EDRF1: variants seen among roughly 807,000 people sequenced by gnomAD.
EDRF1 encodes erythroid differentiation-related factor 1.
A neutral mutation model predicts 148.7 loss-of-function variants in EDRF1; 69 were observed. The ratio of observed to expected loss-of-function variants is 0.46; its 90% confidence interval spans 0.38 to 0.57. EDRF1 has a LOEUF of 0.57. Ranked by LOEUF, EDRF1 falls within the 20% of genes least tolerant of loss-of-function variation. The pLI, the probability that EDRF1 is intolerant of heterozygous loss-of-function variation, is 0.00. For synonymous variants in EDRF1, 515 were observed against 532.8 expected (o/e 0.97, Z 0.46); for missense variants, 1,118 against 1,478.7 (o/e 0.76, Z 4.00).
chr10:125,740,853 CG>C, intron 16 of EDRF1, 147 bp from the exon 17 acceptor site: 2 of 1,059,160 alleles, frequency 1.9e-6, no homozygotes, highest in Non-Finnish European at 2.9e-6. Context: ...TACATGAAGC[CG>C]TAATATGTAT....
intron 13 of EDRF1, among the ~76,000 whole-genome samples, chr10:125,737,087 C>T (rs1457157391): frequency 1.3e-5 from 2 of 152,114 alleles, no homozygotes; most frequent in Non-Finnish European, 2.9e-5. Flanking sequence ...TCACTTTCAG[C>T]TTGAACTTCC....
chr10:125,735,550 T>C, intron 12 of EDRF1, 94 bp from the exon 13 acceptor site: 1 of 1,250,752 alleles, frequency 8.0e-7, no homozygotes, highest in Non-Finnish European at 1.1e-6. Context: ...ACAGCCTGTG[T>C]GCAGACCTCC....
At chr10:125,761,506 T>C (rs967052662) in intron 24 of EDRF1, among the ~76,000 whole-genome samples, 4 of 152,212 alleles carry the variant, frequency 2.6e-5, no homozygotes, top group African/African-American at 9.6e-5. Flanking sequence ...ACAGATCCTT[T>C]GGATTCATGG....
At chr10:125,738,497 T>A in intron 15 of EDRF1, 52 bp downstream of exon 15, 6 of 1,607,396 alleles carry the variant, frequency 3.7e-6, no homozygotes, top group Non-Finnish European at 5.1e-6. Flanking sequence ...ATACACTGGT[T>A]CTTTATCAAC....
chr10:125,737,777 TAAAGC>T, intron 13 of EDRF1, 136 bp from the exon 14 acceptor site: 1 of 795,902 alleles, frequency 1.3e-6, no homozygotes, highest in Non-Finnish European at 2.1e-6. Context: ...TGTAAGTACT[TAAAGC>T]AACATATATG....
intron 17 of EDRF1, 140 bp downstream of exon 17, chr10:125,741,341 G>C (rs932220111): frequency 1.1e-6 from 1 of 937,686 alleles, no homozygotes; most frequent in Non-Finnish European, 1.7e-6. Context: ...TTTTGAGACG[G>C]AGTTTCGCTC....
intron 24 of EDRF1, chr10:125,757,110 G>A (rs1008375734): frequency 5.3e-6 from 2 of 374,414 alleles, no homozygotes; most frequent in Admixed American, 3.7e-5. Flanking sequence ...ACTGCACCTG[G>A]CCCAAGGGTC....
Position 125,749,491 on chromosome 10 carries a change from T to A in EDRF1, c.3203T>A (p.Leu1068Gln). Residue 1068 changes from leucine (L) to glutamine (Q), a missense_variant, in exon 22 of 25, where the codon CTG becomes CAG. Transcript: ENST00000356792. ...AGCAAGGCCGCAAAGCTGTTTCAGC[T>A]GCTGAAAGATGCTCCCTGCGAACTG... Reference protein sequence around the residue: ...HYSKAAKLFQLLKDAPCELLR... With the variant: ...HYSKAAKLFQQLKDAPCELLR... 6.2e-7 allele frequency: 1 copy of A among 1,614,192 alleles called. No homozygotes were observed. The highest frequency in any genetic ancestry group is 8.5e-7 in the Non-Finnish European group (1 of 1,180,022).
intron 9 of EDRF1, chr10:125,731,901 A>G: frequency 2.2e-6 from 1 of 453,422 alleles, no homozygotes; most frequent in Non-Finnish European, 4.4e-6. Flanking sequence ...TGATGGAAAG[A>G]GAGACTGAGG....
rs763081850 is a variant in EDRF1, at chr10:125,733,776, A to G, written c.1385+33A>G. On this transcript the variant is annotated intron_variant, in intron 11 of 24. Transcript: ENST00000356792. Reference sequence around the variant, plus strand: ...CTTTAAGAATTTAAGATGAAGAAGTAGCCTATTATATAAAGTTTTAAAGCA... The same window carrying G: ...CTTTAAGAATTTAAGATGAAGAAGTGGCCTATTATATAAAGTTTTAAAGCA... 13 of 1,558,154 alleles carry G rather than the reference A, an allele frequency of 8.3e-6. No individual in the cohort carries two copies. The South Asian group carries it at 1.4e-4, about 17-fold the overall frequency.
chr10:125,723,562 A>C (rs888292095), intron 3 of EDRF1, among the ~76,000 whole-genome samples: 1 of 152,192 alleles, frequency 6.6e-6, no homozygotes, highest in Admixed American at 6.5e-5. Flanking sequence ...AACTTTAAGA[A>C]ATCCTATCAT....
intron 21 of EDRF1, 111 bp from the exon 22 acceptor site, chr10:125,749,301 C>A: frequency 8.3e-7 from 1 of 1,200,540 alleles, no homozygotes; most frequent in Non-Finnish European, 1.2e-6. Flanking sequence ...AAAGCTAAAA[C>A]TAATAAGACC....
At chr10:125,754,007 G>A (rs1053362261) in intron 24 of EDRF1, among the ~76,000 whole-genome samples, 162 bp downstream of exon 24, 105 of 152,252 alleles carry the variant, frequency 6.9e-4, no homozygotes, top group Non-Finnish European at 1.1e-3. Flanking sequence ...CTTGAGTTCA[G>A]GAGTTCGAGA....
intron 24 of EDRF1, among the ~76,000 whole-genome samples, chr10:125,759,742 G>A (rs995747102): frequency 6.0e-5 from 9 of 151,208 alleles, no homozygotes; most frequent in South Asian, 2.1e-4. Flanking sequence ...ACAGAGTCTC[G>A]CTCTGTCGCC....
At chr10:125,747,009 A>G (rs1279635363) in intron 19 of EDRF1, 2 of 153,356 alleles carry the variant, frequency 1.3e-5, no homozygotes, top group Non-Finnish European at 2.9e-5. Context: ...TTCTTTTTTA[A>G]ATTTATATAT....
intron 13 of EDRF1, 129 bp from the exon 14 acceptor site, chr10:125,737,789 T>C (rs568828211): frequency 8.0e-6 from 7 of 877,482 alleles, no homozygotes; most frequent in African/African-American, 1.7e-5. Flanking sequence ...AAGCAACATA[T>C]ATGTTGTAGG....
intron 9 of EDRF1, among the ~76,000 whole-genome samples, chr10:125,730,758 A>T (rs1848448581): frequency 6.6e-6 from 1 of 152,194 alleles, no homozygotes; most frequent in South Asian, 2.1e-4. Context: ...GTTTTAGGGA[A>T]AGGTCTTGTA....
chr10:125,747,996 G>A lies in EDRF1; in HGVS notation c.3107G>A (p.Ser1036Asn). 1 of 1,614,222 alleles carries A rather than the reference G, an allele frequency of 6.2e-7. No individual in the cohort carries two copies. The highest frequency in any genetic ancestry group is 8.5e-7 in the Non-Finnish European group (1 of 1,180,042). ...IHHRLASMYH[S>N]CLRNQVGDEH... ...CACAGGCTGGCCTCCATGTACCACA[G>A]CTGTCTGAGGAATCAGGTATTGTCA... The change falls in exon 21 of 25, where the codon AGC (serine) becomes AAC (asparagine). Residue 1036 changes from serine to asparagine, a missense_variant. Ser to Asn is a conservative substitution (Grantham distance 46, BLOSUM62 1). Around this residue, in one of 3 missense-constraint regions of EDRF1, gnomAD observed 954 missense variants for 1,241.4 expected, o/e 0.77. Coordinates refer to ENST00000356792, the MANE Select transcript of EDRF1 (RefSeq NM_001202438.2).
intron 6 of EDRF1, among the ~76,000 whole-genome samples, chr10:125,726,804 A>T (rs768794410): frequency 3.9e-5 from 6 of 152,250 alleles, no homozygotes; most frequent in Non-Finnish European, 8.8e-5. Flanking sequence ...CATAGTGGTA[A>T]CAACCAAGAA....
Sources: gnomAD v4.1 joint callset for allele counts (sites outside exome capture counted in the v4.1 genomes callset) on GRCh38, gnomAD v4.1.1 for gene constraint, gnomAD v4.1.1 regional missense constraint, MANE v1.5 for transcripts, NCBI Gene and HGNC (gene_info 2026-07-23, HGNC 2026-07-21) for gene names.